Variants in MYO1E observed in about 807,000 individuals in gnomAD.
The protein encoded by MYO1E is unconventional myosin-Ie.
Under a neutral mutation model 151.1 loss-of-function variants are expected in MYO1E, and 68 were observed. The ratio of observed to expected loss-of-function variants is 0.45; its 90% CI spans 0.37 to 0.55. MYO1E has a LOEUF of 0.55. Ranked by LOEUF, MYO1E falls within the 20% of genes least tolerant of loss-of-function variation. The probability of loss-of-function intolerance (pLI) is 0.00; values close to 1 mark genes in which losing one functional copy is unlikely to be tolerated. For missense variants in MYO1E, 1,363 were observed against 1,389.3 expected, an observed-to-expected ratio of 0.98 and a Z score of 0.30; for synonymous variants, 601 against 501.7, an observed-to-expected ratio of 1.20 and a Z score of -2.64.
chr15:59,240,690 T>C (rs1330011331), intron 4 of MYO1E, among the ~76,000 whole-genome samples: 1 of 152,200 alleles, frequency 6.6e-6, no homozygotes, highest in Non-Finnish European at 1.5e-5. Context: ...CCATCCCCCA[T>C]TTCTGATCTA....
intron 21 of MYO1E, among the ~76,000 whole-genome samples, chr15:59,173,338 G>A (rs2079606608): frequency 6.6e-6 from 1 of 152,146 alleles, no homozygotes; most frequent in South Asian, 2.1e-4. Context: ...ATGAGAAACT[G>A]GTTAAAAATA....
chr15:59,251,952 T>G (rs2080167550), intron 4 of MYO1E, among the ~76,000 whole-genome samples: 1 of 152,240 alleles, frequency 6.6e-6, no homozygotes, highest in African/African-American at 2.4e-5. Flanking sequence ...GTATTGCTAC[T>G]AATAATATTG....
intron 26 of MYO1E, among the ~76,000 whole-genome samples, chr15:59,151,334 G>A (rs546777298): frequency 1.2e-4 from 18 of 152,154 alleles, no homozygotes; most frequent in African/African-American, 3.4e-4. Context: ...GGAGGTTGAC[G>A]CAGGACAGTC....
intron 1 of MYO1E, among the ~76,000 whole-genome samples, chr15:59,371,708 T>C (rs2080945948): frequency 6.6e-6 from 1 of 152,080 alleles, no homozygotes; most frequent in South Asian, 2.1e-4. Flanking sequence ...GTCCCCTGGA[T>C]CCCCGAAAAG....
Position 59,214,637 on chromosome 15 carries a change from T to G in MYO1E, c.1188+3A>C, listed in dbSNP as rs750380694. 15 of 1,606,364 alleles carry G rather than the reference T, an allele frequency of 9.3e-6. No individual in the cohort carries two copies. Among genetic ancestry groups the G allele is most frequent in the Non-Finnish European group, 1.2e-5 (14 of 1,173,050 alleles). ...AACCCCTAGTTATTAAAACTGGCCTTACCTGGAATATTTCAAAGCCATAGA... is the reference window on the plus strand; with the variant it reads ...AACCCCTAGTTATTAAAACTGGCCTGACCTGGAATATTTCAAAGCCATAGA... On this transcript the variant is annotated splice_donor_region_variant and intron_variant, in intron 11 of 27. Transcript: ENST00000288235.
chr15:59,335,105 G>GA lies in MYO1E; in HGVS notation c.3+37392dup, dbSNP rs566723504. ...CCACACTGGGTCAAACCGTGAAAGA[G>GA]AAAAACAAGGGCATTCTTGTGGCAT... On this transcript the variant is annotated intron_variant, in intron 1 of 27. Coordinates refer to ENST00000288235, the MANE Select transcript of MYO1E (RefSeq NM_004998.4). 2.9e-3 allele frequency among the ~76,000 whole-genome samples: 440 copies of GA among 152,278 alleles called. 2 individuals are homozygous for GA. Among genetic ancestry groups the GA allele is most frequent in the Non-Finnish European group, 4.2e-3 (284 of 68,008 alleles).
chr15:59,369,976 T>C (rs1336247590), intron 1 of MYO1E, among the ~76,000 whole-genome samples: 2 of 152,136 alleles, frequency 1.3e-5, no homozygotes, highest in African/African-American at 4.8e-5. Flanking sequence ...CTTCTTCTTC[T>C]TCTTAATATT....
intron 3 of MYO1E, among the ~76,000 whole-genome samples, chr15:59,258,178 A>T (rs1377678273): frequency 1.3e-5 from 2 of 152,094 alleles, no homozygotes; most frequent in East Asian, 3.9e-4. Flanking sequence ...AAAACCCAGT[A>T]TCTACTAAAA....
intron 1 of MYO1E, among the ~76,000 whole-genome samples, chr15:59,318,834 C>G (rs551124652): frequency 3.3e-5 from 5 of 152,250 alleles, no homozygotes; most frequent in Admixed American, 2.6e-4. Context: ...GAAAGTCACT[C>G]AAGATTACAC....
intron 19 of MYO1E, among the ~76,000 whole-genome samples, chr15:59,174,804 G>A (rs1244963839): frequency 6.6e-6 from 1 of 152,024 alleles, no homozygotes; most frequent in Non-Finnish European, 1.5e-5. Context: ...CGGAGCAGAG[G>A]ATAATAACCA....
chr15:59,328,295 G>T (rs2080678195), intron 1 of MYO1E, among the ~76,000 whole-genome samples: 1 of 152,182 alleles, frequency 6.6e-6, no homozygotes, highest in African/African-American at 2.4e-5. Context: ...ACCTCCCAGA[G>T]TGTGGACCAG....
intron 1 of MYO1E, among the ~76,000 whole-genome samples, chr15:59,280,577 G>A (rs1460210346): frequency 2.0e-5 from 3 of 148,284 alleles, no homozygotes; most frequent in African/African-American, 5.1e-5. Context: ...AGCTGAGATC[G>A]CGCCATTGCA....
Position 59,183,339 on chromosome 15 carries a change from T to C in MYO1E, c.1904+4779A>G, listed in dbSNP as rs535678822. On this transcript the variant is annotated intron_variant, in intron 18 of 27. Coordinates refer to ENST00000288235, the MANE Select transcript of MYO1E (RefSeq NM_004998.4). Reference sequence around the variant, plus strand: ...AAAACCCAGAATAGATTAAAAAAGGTTTGATCAGGTTTTTTTTTTTTTTCT... The same window carrying C: ...AAAACCCAGAATAGATTAAAAAAGGCTTGATCAGGTTTTTTTTTTTTTTCT... 3.5e-5 allele frequency among the ~76,000 whole-genome samples: 4 copies of C among 114,800 alleles called. No individual in the cohort carries two copies. The East Asian group carries it at 1.2e-3, about 33-fold the overall frequency. 75.3% of individuals were successfully genotyped at this position (114,800 alleles called of 152,430 possible). A position where few individuals can be genotyped will look rare whatever the true frequency, so the allele number is the denominator to read the frequency against.
At chr15:59,364,481 C>T (rs183683268) in intron 1 of MYO1E, among the ~76,000 whole-genome samples, 8 of 152,262 alleles carry the variant, frequency 5.3e-5, no homozygotes, top group Admixed American at 2.6e-4. Context: ...GTGAGTAATC[C>T]GGCTACATGG....
At position 59,205,385 on chromosome 15, in the gene MYO1E, G is replaced by A. The variant is rs1355242480; in HGVS notation, c.1616+15C>T. The A allele has an allele frequency of 3.1e-6, 5 of 1,612,090 alleles. No individual in the cohort carries two copies. In the African/African-American group the frequency reaches 4.0e-5, roughly 13 times the overall value. ...AAACCTATATCCCCTGTCAGCTATG[G>A]CAAAACATACTTACAGCTCGCTGCT... On this transcript the variant is annotated intron_variant, in intron 15 of 27. Coordinates refer to ENST00000288235, the MANE Select transcript of MYO1E (RefSeq NM_004998.4).
chr15:59,247,823 T>G (rs2080139209), intron 4 of MYO1E, among the ~76,000 whole-genome samples: 1 of 152,040 alleles, frequency 6.6e-6, no homozygotes, highest in Non-Finnish European at 1.5e-5. Context: ...CCCTAGAAAG[T>G]TAAATTGGTG....
At chr15:59,206,885 C>T (rs539162667) in intron 14 of MYO1E, 14 of 1,541,012 alleles carry the variant, frequency 9.1e-6, no homozygotes, top group Middle Eastern at 1.8e-4. Context: ...GGCGTCTCAA[C>T]GTTCGGATCA....
intron 1 of MYO1E, among the ~76,000 whole-genome samples, chr15:59,336,971 G>A (rs559389301): frequency 1.3e-5 from 2 of 151,702 alleles, no homozygotes; most frequent in Admixed American, 6.6e-5. Context: ...TATGTGCCAC[G>A]TTTTCTTTAT....
At chr15:59,246,956 G>C (rs1167796209) in intron 4 of MYO1E, among the ~76,000 whole-genome samples, 1 of 152,090 alleles carries the variant, frequency 6.6e-6, no homozygotes, top group Non-Finnish European at 1.5e-5. Flanking sequence ...AGAGCATCAC[G>C]GCCAACAATG....
Sources: gnomAD v4.1 joint callset for allele counts (sites outside exome capture counted in the v4.1 genomes callset) on GRCh38, gnomAD v4.1.1 for gene constraint, MANE v1.5 for transcripts, NCBI Gene and HGNC (gene_info 2026-07-23, HGNC 2026-07-21) for gene names.